Variants in GPATCH2L observed in about 807,000 individuals in gnomAD.
The protein encoded by GPATCH2L is G patch domain-containing protein 2-like.
Under a neutral mutation model 57.4 loss-of-function variants are expected in GPATCH2L, and 31 were observed. That is an observed-to-expected ratio of 0.54 (90% confidence interval 0.41 to 0.73). The LOEUF is 0.73. Among genes scored for constraint, GPATCH2L ranks in the 30% least tolerant of loss-of-function variants. The pLI, the probability that GPATCH2L is intolerant of heterozygous loss-of-function variation, is 0.00. For synonymous variants in GPATCH2L, 199 were observed against 210.7 expected, an observed-to-expected ratio of 0.94 and a Z score of 0.48; for missense variants, 481 against 599.9, an observed-to-expected ratio of 0.80 and a Z score of 2.07.
chr14:76,165,132 A>G (rs1233484474), intron 2 of GPATCH2L, among the ~76,000 whole-genome samples: 1 of 152,210 alleles, frequency 6.6e-6, no homozygotes, highest in Non-Finnish European at 1.5e-5. Flanking sequence ...TATAATAATT[A>G]GGTAATACAG....
chr14:76,201,943 A>G lies in GPATCH2L; in HGVS notation c.*92A>G. 2 of 1,069,436 alleles carry G rather than the reference A, an allele frequency of 1.9e-6. No homozygotes were observed. The highest frequency in any genetic ancestry group is 2.7e-6 in the Non-Finnish European group (2 of 741,150). The allele number at this position is 1,069,436 out of a possible 1,614,324, so 66.2% of individuals were successfully genotyped here. A position where few individuals can be genotyped will look rare whatever the true frequency, so the allele number is the denominator to read the frequency against. The stretch of plus-strand genomic sequence containing the variant: ...GATAGTCTTGCATATCTTAATCGAC[A>G]TTCCCAGTCCTTTCACCACCAGAAC... On this transcript the variant is annotated 3_prime_UTR_variant, in exon 10 of 10. Coordinates refer to ENST00000261530, the MANE Select transcript of GPATCH2L (RefSeq NM_017926.4).
At chr14:76,199,337 C>G (rs1441414828) in intron 9 of GPATCH2L, among the ~76,000 whole-genome samples, 1 of 151,644 alleles carries the variant, frequency 6.6e-6, no homozygotes, top group Non-Finnish European at 1.5e-5. Context: ...AATACATTGT[C>G]CAGTTTTGTG....
chr14:76,218,140 C>T (rs2040497400), downstream of GPATCH2L, among the ~76,000 whole-genome samples: 1 of 152,108 alleles, frequency 6.6e-6, no homozygotes, highest in South Asian at 2.1e-4. Flanking sequence ...GAAGCAATTT[C>T]ATTGAAGTCA....
intron 5 of GPATCH2L, 119 bp from the exon 6 acceptor site, chr14:76,176,504 T>C (rs1172548465): frequency 1.4e-6 from 1 of 706,320 alleles, no homozygotes; most frequent in Non-Finnish European, 2.6e-6. Flanking sequence ...TAAGATTGAC[T>C]TTTAACATGT....
chr14:76,198,733 G>A (rs1594993358), intron 9 of GPATCH2L, among the ~76,000 whole-genome samples: 1 of 147,294 alleles, frequency 6.8e-6, no homozygotes, highest in Non-Finnish European at 1.5e-5. Flanking sequence ...ATATGAGAGC[G>A]AGAGAGAGAG....
rs1022976407 is a variant in GPATCH2L, at chr14:76,207,517, G to A, written c.*5666G>A. 4 of 148,312 alleles carry A rather than the reference G, an allele frequency of 2.7e-5. No homozygotes were observed. The highest frequency in any genetic ancestry group is 7.7e-5 in the African/African-American group (3 of 39,084). The allele number at this position is 148,312 out of a possible 1,614,324, so 9.2% of individuals were successfully genotyped here. On this transcript the variant is annotated 3_prime_UTR_variant, in exon 10 of 10. Transcript: ENST00000261530. ...GATAATGATGAATCATTTAAAGTAC[G>A]GCTCATAAAAATGAAAAAAAAAATT...
intron 2 of GPATCH2L, among the ~76,000 whole-genome samples, chr14:76,165,552 C>A: frequency 6.7e-6 from 1 of 148,836 alleles, no homozygotes; most frequent in Non-Finnish European, 1.5e-5. Flanking sequence ...ACCTGTGTAA[C>A]AAACCTGCAC....
rs559621157 is a variant in GPATCH2L, at chr14:76,209,780, A to T, written c.*7929A>T. 3.3e-5 allele frequency: 5 copies of T among 152,356 alleles called. No individual in the cohort carries two copies. In the East Asian group the frequency reaches 9.6e-4, roughly 29 times the overall value. 9.4% of individuals were successfully genotyped at this position (152,356 alleles called of 1,614,324 possible). On this transcript the variant is annotated 3_prime_UTR_variant, in exon 10 of 10. Coordinates refer to ENST00000261530, the MANE Select transcript of GPATCH2L (RefSeq NM_017926.4). ...AAACTTGGGGTTCCACTTTCATCAG[A>T]TGTGACCCTGTGTGTTCCTGATGTC...
chr14:76,225,370 C>T (rs986491200), intron 1 of GPATCH2L, among the ~76,000 whole-genome samples: 3 of 151,696 alleles, frequency 2.0e-5, no homozygotes, highest in Non-Finnish European at 2.9e-5. Flanking sequence ...AGGGATGACC[C>T]GTTCAATATA....
At chr14:76,172,097 C>T (rs1398726025) in intron 4 of GPATCH2L, 78 bp downstream of exon 4, 3 of 862,568 alleles carry the variant, frequency 3.5e-6, no homozygotes, top group Non-Finnish European at 1.8e-6. Flanking sequence ...AGCAAGCATA[C>T]TCATGCCTTC....
chr14:76,173,285 C>T (rs1476775841), intron 4 of GPATCH2L, among the ~76,000 whole-genome samples: 1 of 152,056 alleles, frequency 6.6e-6, no homozygotes, highest in Admixed American at 6.6e-5. Context: ...GTCTTCAAAA[C>T]AGCCCAGTAA....
In GPATCH2L at chr14:76,211,374, T is replaced by C. The variant is rs996481970; in HGVS notation, c.*9523T>C. 2.6e-5 allele frequency: 4 copies of C among 152,248 alleles called. No individual in the cohort carries two copies. The highest frequency in any genetic ancestry group is 9.6e-5 in the African/African-American group (4 of 41,470). 9.4% of individuals were successfully genotyped at this position (152,248 alleles called of 1,614,324 possible). A position where few individuals can be genotyped will look rare whatever the true frequency, so the allele number is the denominator to read the frequency against. On this transcript the variant is annotated 3_prime_UTR_variant, in exon 10 of 10. Coordinates refer to ENST00000261530, the MANE Select transcript of GPATCH2L (RefSeq NM_017926.4). ...AACTGAGATGTGAACAGATTTGCAT[T>C]GCCTTGATCACCTTCCGTGGGAAAT...
chr14:76,186,676 T>C (rs1315416813), intron 8 of GPATCH2L, among the ~76,000 whole-genome samples: 1 of 152,214 alleles, frequency 6.6e-6, no homozygotes, highest in Non-Finnish European at 1.5e-5. Flanking sequence ...TTGAATCTTT[T>C]GTCCTCTATT....
At chr14:76,233,423 G>A (rs932909814) in intron 2 of GPATCH2L, among the ~76,000 whole-genome samples, 1 of 152,108 alleles carries the variant, frequency 6.6e-6, no homozygotes, top group African/African-American at 2.4e-5. Flanking sequence ...ACAAATGAGG[G>A]AAAATACTTG....
At chr14:76,222,647 T>C (rs755282178) in intron 1 of GPATCH2L, among the ~76,000 whole-genome samples, 10 of 150,692 alleles carry the variant, frequency 6.6e-5, no homozygotes, top group Non-Finnish European at 1.2e-4. Context: ...ATTTGAATTG[T>C]TTATATCTGT....
At chr14:76,185,739 G>A (rs6574276) in intron 8 of GPATCH2L, among the ~76,000 whole-genome samples, 151,114 of 152,318 alleles carry the variant, frequency 0.99, 74,972 homozygotes, top group Middle Eastern at 1. Context: ...TAAATAAACT[G>A]TTTTTTCTTT....
Position 76,211,936 on chromosome 14 carries a change from T to A in GPATCH2L, c.*10085T>A, listed in dbSNP as rs537802260. On this transcript the variant is annotated 3_prime_UTR_variant, in exon 10 of 10. Transcript: ENST00000261530. ...CTGACCAGCATTTTAAATTAGGCGA[T>A]GCAGTCTAGCTTTTGTACATAGAAA... is the stretch of plus-strand genomic sequence containing the variant. The A allele has an allele frequency of 3.9e-5, 6 of 152,218 alleles. No homozygotes were observed. In the South Asian group the frequency reaches 1.2e-3, roughly 32 times the overall value. The allele number at this position is 152,218 out of a possible 1,614,324, so 9.4% of individuals were successfully genotyped here.
chr14:76,201,975 C>T lies in GPATCH2L; in HGVS notation c.*124C>T. The stretch of plus-strand genomic sequence containing the variant: ...GTCCTTTCACCACCAGAACCAACTC[C>T]TCTTTCAAACACAGCAGTGGATTCT... On this transcript the variant is annotated 3_prime_UTR_variant, in exon 10 of 10. Coordinates refer to ENST00000261530, the MANE Select transcript of GPATCH2L (RefSeq NM_017926.4). 5.8e-6 allele frequency: 4 copies of T among 684,524 alleles called. No individual in the cohort carries two copies. In the South Asian group the frequency reaches 9.2e-5, roughly 16 times the overall value. 42.4% of individuals were successfully genotyped at this position (684,524 alleles called of 1,614,324 possible).
At chr14:76,230,900 CAAGTA>C (rs2040558332) in intron 2 of GPATCH2L, among the ~76,000 whole-genome samples, 1 of 152,202 alleles carries the variant, frequency 6.6e-6, no homozygotes, top group South Asian at 2.1e-4. Context: ...ACAGAAGCGA[CAAGTA>C]AATTAGGGGT....
Sources: gnomAD v4.1 joint callset for allele counts (sites outside exome capture counted in the v4.1 genomes callset) on GRCh38, gnomAD v4.1.1 for gene constraint, MANE v1.5 for transcripts, NCBI Gene and HGNC (gene_info 2026-07-23, HGNC 2026-07-21) for gene names.